Variants in GRIA4 observed in about 807,000 individuals in gnomAD.
GRIA4 encodes glutamate receptor 4.
Under a neutral mutation model 104.0 loss-of-function variants are expected in GRIA4, and 34 were observed. The observed-to-expected ratio is 0.33, with a 90% CI of 0.25 to 0.44. GRIA4 has a LOEUF of 0.44. Among genes scored for constraint, GRIA4 ranks in the 20% least tolerant of loss-of-function variants. The pLI, the probability that GRIA4 is intolerant of heterozygous loss-of-function variation, is 1.00. For missense variants in GRIA4, 750 were observed against 1,096.5 expected, an observed-to-expected ratio of 0.68 and a Z score of 4.46; for synonymous variants, 386 against 381.9, an observed-to-expected ratio of 1.01 and a Z score of -0.13.
At chr11:105,883,890 C>T (rs1271437658) in intron 5 of GRIA4, among the ~76,000 whole-genome samples, 1 of 152,156 alleles carries the variant, frequency 6.6e-6, no homozygotes, top group Non-Finnish European at 1.5e-5. Context: ...TACAGTCCCA[C>T]CAACAGTGTA....
intron 4 of GRIA4, among the ~76,000 whole-genome samples, chr11:105,837,756 CTAT>C (rs1398999493): frequency 2.0e-5 from 3 of 151,926 alleles, no homozygotes; most frequent in Non-Finnish European, 4.4e-5. Context: ...TTTAAAAATT[CTAT>C]TATTATATTT....
In GRIA4 at chr11:105,753,292, G is replaced by A. The variant is rs1591195259; in HGVS notation, c.487+72G>A. ...TGTGAAATGGCCTTATATGACTTCG[G>A]TTTTTAGCAAATTGTTTGATCTCTA... On this transcript the variant is annotated intron_variant, in intron 4 of 16. Transcript: ENST00000282499. 6.5e-6 allele frequency: 9 copies of A among 1,377,930 alleles called. No individual in the cohort carries two copies. The South Asian group carries it at 9.7e-5, about 15-fold the overall frequency. 85.4% of individuals were successfully genotyped at this position (1,377,930 alleles called of 1,614,324 possible).
intron 4 of GRIA4, among the ~76,000 whole-genome samples, chr11:105,766,099 T>C (rs1940925433): frequency 6.6e-6 from 1 of 152,196 alleles, no homozygotes; most frequent in Non-Finnish European, 1.5e-5. Context: ...TGTAGGTATT[T>C]ACACTACACC....
At chr11:105,722,145 C>T (rs1937865039) in intron 3 of GRIA4, among the ~76,000 whole-genome samples, 1 of 152,142 alleles carries the variant, frequency 6.6e-6, no homozygotes, top group South Asian at 2.1e-4. Context: ...TAATTTCCCT[C>T]TACTGCTATA....
chr11:105,839,472 C>A (rs1944313488), intron 4 of GRIA4, among the ~76,000 whole-genome samples: 1 of 135,744 alleles, frequency 7.4e-6, no homozygotes, highest in South Asian at 2.3e-4. Flanking sequence ...CTTTTTAGAT[C>A]ATGTAATCGC....
chr11:105,645,563 G>T (rs1016784385), intron 3 of GRIA4, among the ~76,000 whole-genome samples: 4 of 152,174 alleles, frequency 2.6e-5, no homozygotes, highest in African/African-American at 9.7e-5. Context: ...CCCAGATTAA[G>T]AAGTGAAGAT....
chr11:105,952,000 T>C (rs556998565), intron 14 of GRIA4, among the ~76,000 whole-genome samples: 1 of 152,210 alleles, frequency 6.6e-6, no homozygotes, highest in East Asian at 1.9e-4. Context: ...ATGTTCTGCA[T>C]ATGATGCAAC....
chr11:105,713,300 T>C lies in GRIA4; in HGVS notation c.248-39681T>C, dbSNP rs865899871. On this transcript the variant is annotated intron_variant, in intron 3 of 16. Coordinates refer to ENST00000282499, the MANE Select transcript of GRIA4 (RefSeq NM_000829.4). Reference sequence around the variant, plus strand: ...TAGGACGCTGAGGCAGGAAATGACTTGAACCTGAGAGGTGGAGGCTGCAGT... The same window carrying C: ...TAGGACGCTGAGGCAGGAAATGACTCGAACCTGAGAGGTGGAGGCTGCAGT... Among the ~76,000 whole-genome samples the C allele has an allele frequency of 2.0e-5, 3 of 151,870 alleles. 1 individual carries two copies. The highest frequency in any genetic ancestry group is 4.2e-4 in the South Asian group (2 of 4,816).
At chr11:105,713,292 A>G (rs943647475) in intron 3 of GRIA4, among the ~76,000 whole-genome samples, 17 of 152,116 alleles carry the variant, frequency 1.1e-4, no homozygotes, top group African/African-American at 4.1e-4. Flanking sequence ...CTGAGGCAGG[A>G]AATGACTTGA....
intron 4 of GRIA4, among the ~76,000 whole-genome samples, chr11:105,799,095 A>G (rs1011234347): frequency 3.3e-5 from 5 of 152,162 alleles, no homozygotes; most frequent in Non-Finnish European, 5.9e-5. Flanking sequence ...ATGAAAAGGA[A>G]CCAACAAAGA....
chr11:105,843,285 GC>G (rs1299656333), intron 4 of GRIA4, among the ~76,000 whole-genome samples: 1 of 151,168 alleles, frequency 6.6e-6, no homozygotes, highest in Admixed American at 6.6e-5. Flanking sequence ...GAATTTGCTT[GC>G]CTAATAGGGT....
chr11:105,648,039 A>C (rs1038231198), intron 3 of GRIA4, among the ~76,000 whole-genome samples: 7 of 152,128 alleles, frequency 4.6e-5, no homozygotes, highest in Non-Finnish European at 8.8e-5. Flanking sequence ...ACCAGGTTTA[A>C]TTCTGGAAAT....
intron 5 of GRIA4, among the ~76,000 whole-genome samples, chr11:105,878,811 T>C (rs945108644): frequency 1.3e-5 from 2 of 152,184 alleles, no homozygotes; most frequent in Admixed American, 1.3e-4. Context: ...AACCAGTGGA[T>C]CTTAGCTTGC....
chr11:105,773,164 G>T (rs1941291438), intron 4 of GRIA4, among the ~76,000 whole-genome samples: 1 of 151,932 alleles, frequency 6.6e-6, no homozygotes, highest in Admixed American at 6.6e-5. Flanking sequence ...TACATTAAAT[G>T]TGCTTTTCTC....
intron 6 of GRIA4, among the ~76,000 whole-genome samples, chr11:105,896,314 C>A (rs1044340368): frequency 6.6e-6 from 1 of 152,008 alleles, no homozygotes; most frequent in African/African-American, 2.4e-5. Context: ...CTTATAGATT[C>A]TAGATATTAG....
chr11:105,904,017 A>C, intron 8 of GRIA4, 36 bp downstream of exon 8: 16 of 1,439,464 alleles, frequency 1.1e-5, no homozygotes, highest in Non-Finnish European at 1.4e-5. Context: ...AATTCATTTC[A>C]TGGTCTTGTT....
rs773388554 is a variant in GRIA4 at position 105,887,578 on chromosome 11, A to C, written c.726+6A>C. Reference sequence around the variant, plus strand: ...ATTATATCATTGCAAACTTGGTAAGAACTTCTTATTTTCTACTTTTCATAA... The same window carrying C: ...ATTATATCATTGCAAACTTGGTAAGCACTTCTTATTTTCTACTTTTCATAA... On this transcript the variant is annotated splice_donor_region_variant and intron_variant, in intron 6 of 16. Coordinates refer to ENST00000282499, the MANE Select transcript of GRIA4 (RefSeq NM_000829.4). 2 of 1,296,282 alleles carry C rather than the reference A, an allele frequency of 1.5e-6. No individual in the cohort carries two copies. Among genetic ancestry groups the C allele is most frequent in the Non-Finnish European group, 1.1e-6 (1 of 901,124 alleles). 80.3% of individuals were successfully genotyped at this position (1,296,282 alleles called of 1,614,324 possible).
At chr11:105,917,625 G>A (rs978260557) in intron 10 of GRIA4, among the ~76,000 whole-genome samples, 2 of 152,104 alleles carry the variant, frequency 1.3e-5, no homozygotes, top group African/African-American at 4.8e-5. Context: ...TCTCAATAAT[G>A]TTGTAGCCAA....
chr11:105,677,992 A>G (rs1246245267), intron 3 of GRIA4, among the ~76,000 whole-genome samples: 1 of 152,166 alleles, frequency 6.6e-6, no homozygotes, highest in East Asian at 1.9e-4. Flanking sequence ...AACCATGTCC[A>G]TCTTATCTCC....
Sources: gnomAD v4.1 joint callset for allele counts (sites outside exome capture counted in the v4.1 genomes callset) on GRCh38, gnomAD v4.1.1 for gene constraint, MANE v1.5 for transcripts, NCBI Gene and HGNC (gene_info 2026-07-23, HGNC 2026-07-21) for gene names.